The following COL5A3 variants were observed in gnomAD, a reference collection of about 807,000 sequenced individuals.
COL5A3 encodes the protein collagen alpha-3(V) chain.
In COL5A3, 172 loss-of-function variants were observed where a neutral mutation model predicts 250.0. That is an observed-to-expected ratio of 0.69 (90% confidence interval 0.61 to 0.78). COL5A3 has a LOEUF of 0.78. Among genes scored for constraint, COL5A3 ranks in the 30% least tolerant of loss-of-function variants. COL5A3 has a pLI of 0.00. For missense variants in COL5A3, 2,340 were observed against 2,334.4 expected, an observed-to-expected ratio of 1.00 and a Z score of -0.05; for synonymous variants, 937 against 900.4, an observed-to-expected ratio of 1.04 and a Z score of -0.73.
Position 9,977,273 on chromosome 19 carries a change from C to G in COL5A3, c.3244G>C (p.Gly1082Arg), listed in dbSNP as rs1568413339. 2 of 1,614,130 alleles carry G rather than the reference C, an allele frequency of 1.2e-6. No individual in the cohort carries two copies. Among genetic ancestry groups the G allele is most frequent in the Non-Finnish European group, 1.7e-6 (2 of 1,180,000 alleles). ...TTACTCCCCTTGTGTCCGGGGGCAC[C>G]CACATCCCCCTGCAGAGGAAATGGG... ...SGEEGDKGDVGAPGHKGSKGD... is the reference protein window; with the variant it reads ...SGEEGDKGDVRAPGHKGSKGD... The change falls in exon 44 of 67, where the codon GGT becomes CGT. Residue 1082 changes from glycine to arginine, a missense_variant. Physicochemically the swap from Gly to Arg is moderately radical, Grantham distance 125. Around this residue, in one of 3 missense-constraint regions of COL5A3, gnomAD observed 1,179 missense variants for 1,162.6 expected, o/e 1.01. Coordinates refer to ENST00000264828, the MANE Select transcript of COL5A3 (RefSeq NM_015719.4).
At chr19:9,969,078 T>C (rs2086793245) in intron 57 of COL5A3, among the ~76,000 whole-genome samples, 1 of 152,018 alleles carries the variant, frequency 6.6e-6, no homozygotes, top group African/African-American at 2.4e-5. Flanking sequence ...ATGGGCAGTG[T>C]AGACCATCAA....
chr19:9,981,811 C>T (rs189646991), intron 32 of COL5A3, among the ~76,000 whole-genome samples: 11 of 152,298 alleles, frequency 7.2e-5, no homozygotes, highest in Non-Finnish European at 1.5e-4. Flanking sequence ...CTGCAGGCTG[C>T]GGCATTCAAA....
chr19:10,005,628 C>T lies in COL5A3; in HGVS notation c.524G>A (p.Gly175Asp). The T allele has an allele frequency of 6.2e-7, 1 of 1,614,162 alleles. No homozygotes were observed. Among genetic ancestry groups the T allele is most frequent in the Non-Finnish European group, 8.5e-7 (1 of 1,180,012 alleles). ...CEAQPPVLGH[G>D]PRFISIAGLT... ...TCCAGCTATGCTGATGAAGCGGGGG[C>T]CATGGCCCAAAACAGGGGGCTGAGC... Residue 175 changes from glycine to aspartate, a missense_variant, in exon 4 of 67, where the codon GGC becomes GAC. By Grantham distance (94) the Gly-to-Asp change is moderately conservative. Around this residue, in one of 3 missense-constraint regions of COL5A3, gnomAD observed 1,152 missense variants for 1,146.3 expected, o/e 1.00. Coordinates refer to ENST00000264828, the MANE Select transcript of COL5A3 (RefSeq NM_015719.4).
chr19:9,995,693 T>A (rs1275128318), intron 15 of COL5A3, 76 bp from the exon 16 acceptor site: 8 of 1,161,072 alleles, frequency 6.9e-6, no homozygotes, highest in Non-Finnish European at 8.6e-6. Flanking sequence ...TTAAAAAAAA[T>A]TAGAGATGGG....
At position 9,971,000 on chromosome 19, in the gene COL5A3, C is replaced by A. The variant is rs1490961023; in HGVS notation, c.3857G>T (p.Gly1286Val). ...CGGTCCCCCAACATCACCAGGGTCT[C>A]CCTTCTCCCCTGGGGAACCATCTAT... is the stretch of plus-strand genomic sequence containing the variant. ...SGIDGSPGEK[G>V]DPGDVGGPGP... is the part of the protein sequence containing the mutation. Residue 1286 changes from glycine to valine, a missense_variant, in exon 53 of 67, where the codon GGA becomes GTA. This residue lies in a region of COL5A3 where 1,179 missense variants were observed against 1,162.6 expected (regional missense o/e 1.01). Coordinates refer to ENST00000264828, the MANE Select transcript of COL5A3 (RefSeq NM_015719.4). The A allele has an allele frequency of 1.3e-6, 2 of 1,560,378 alleles. No individual in the cohort carries two copies. The highest frequency in any genetic ancestry group is 4.7e-5 in the East Asian group (2 of 42,198).
intron 43 of COL5A3, 36 bp from the exon 44 acceptor site, chr19:9,977,318 T>C (rs1599542947): frequency 5.0e-6 from 8 of 1,613,576 alleles, no homozygotes; most frequent in South Asian, 1.1e-5. Context: ...CCAGCTTCCA[T>C]TCACCCCCAT....
At chr19:9,977,947 C>CATACATACATATATATATAT (rs1555736344) in intron 41 of COL5A3, among the ~76,000 whole-genome samples, 1 of 106,140 alleles carries the variant, frequency 9.4e-6, no homozygotes. Flanking sequence ...GCAGCCTATA[C>CATACATACATATATATATAT]ATATATATAT....
chr19:9,995,717 G>C, intron 15 of COL5A3, 100 bp from the exon 16 acceptor site: 2 of 892,158 alleles, frequency 2.2e-6, no homozygotes, highest in Non-Finnish European at 3.4e-6. Flanking sequence ...TTGCTGTATT[G>C]CCCAGGCCAG....
intron 18 of COL5A3, 86 bp downstream of exon 18, chr19:9,993,533 A>G (rs984505134): frequency 2.4e-5 from 38 of 1,579,292 alleles, no homozygotes; most frequent in Non-Finnish European, 3.1e-5. Flanking sequence ...CACAGGGATC[A>G]TGACTCTGAT....
At chr19:9,986,025 G>T (rs1383372253) in intron 30 of COL5A3, 130 bp from the exon 31 acceptor site, 2 of 796,474 alleles carry the variant, frequency 2.5e-6, no homozygotes, top group Non-Finnish European at 4.3e-6. Context: ...TCAAGTCCTT[G>T]CTCCTGCCTG....
Position 10,004,151 on chromosome 19 carries a change from G to T in COL5A3, c.595-6C>A. 1 of 1,610,186 alleles carries T rather than the reference G, an allele frequency of 6.2e-7. No homozygotes were observed. The highest frequency in any genetic ancestry group is 8.5e-7 in the Non-Finnish European group (1 of 1,176,564). ...AGCAGCTCCTGAATGTCTCCCTGGGGGTTGGGGGTGTAGGAGTCAAGGAGG... is the reference window on the plus strand; with the variant it reads ...AGCAGCTCCTGAATGTCTCCCTGGGTGTTGGGGGTGTAGGAGTCAAGGAGG... On this transcript the variant is annotated splice_polypyrimidine_tract_variant and splice_region_variant and intron_variant, in intron 4 of 66. Transcript: ENST00000264828.
rs531870097 is a variant in COL5A3 at position 9,962,235 on chromosome 19, T to C, written c.4851+584A>G. On this transcript the variant is annotated intron_variant, in intron 65 of 66. Transcript: ENST00000264828. ...GATTTTCCTGCCTCAGCCTCCTGAGTAGCTGGGATTACAGGCACACATCAC... is the reference window on the plus strand; with the variant it reads ...GATTTTCCTGCCTCAGCCTCCTGAGCAGCTGGGATTACAGGCACACATCAC... Among the ~76,000 whole-genome samples the C allele has an allele frequency of 6.5e-4, 99 of 152,146 alleles. 1 individual carries two copies. Among genetic ancestry groups the C allele is most frequent in the Admixed American group, 5.7e-3 (87 of 15,244 alleles).
At chr19:9,995,658 A>G (rs2087258389) in intron 15 of COL5A3, 41 bp from the exon 16 acceptor site, 1 of 1,455,712 alleles carries the variant, frequency 6.9e-7, no homozygotes, top group Admixed American at 2.0e-5. Flanking sequence ...GAAAATAAGA[A>G]GAAAGAGGGA....
In COL5A3 at chr19:9,966,518, G is replaced by T; in HGVS notation, c.4669+18C>A. On this transcript the variant is annotated intron_variant, in intron 63 of 66. Transcript: ENST00000264828. The stretch of plus-strand genomic sequence containing the variant: ...CCCCCACTCCGCCCATCCAAGTGGC[G>T]GGGGGACCGGACCTCACCATCAGGC... 6.5e-7 allele frequency: 1 copy of T among 1,536,816 alleles called. No individual in the cohort carries two copies. Among genetic ancestry groups the T allele is most frequent in the Non-Finnish European group, 8.8e-7 (1 of 1,139,968 alleles).
At position 10,004,432 on chromosome 19, in the gene COL5A3, G is replaced by A. The variant is rs552787882; in HGVS notation, c.595-287C>T. Reference sequence around the variant, plus strand: ...CTAGAGGTGCATCAGTTCCTTCACCGGTTCAAGTGATTCTCAGCCTCCCAA... The same window carrying A: ...CTAGAGGTGCATCAGTTCCTTCACCAGTTCAAGTGATTCTCAGCCTCCCAA... On this transcript the variant is annotated intron_variant, in intron 4 of 66. Transcript: ENST00000264828. Among the ~76,000 whole-genome samples the A allele has an allele frequency of 3.3e-4, 51 of 152,312 alleles. 2 individuals are homozygous for A. In the South Asian group the frequency reaches 9.5e-3, roughly 28 times the overall value.
At chr19:9,984,817 G>A (rs558410265) in intron 31 of COL5A3, among the ~76,000 whole-genome samples, 1 of 152,028 alleles carries the variant, frequency 6.6e-6, no homozygotes, top group Admixed American at 6.6e-5. Flanking sequence ...TTGAGACAGA[G>A]TCCCCCTCTG....
intron 36 of COL5A3, 38 bp from the exon 37 acceptor site, chr19:9,979,930 C>A: frequency 6.4e-7 from 1 of 1,574,442 alleles, no homozygotes; most frequent in Non-Finnish European, 8.6e-7. Flanking sequence ...GGCACAGATA[C>A]AGGGCTTCCT....
chr19:9,969,965 A>C, intron 54 of COL5A3, 43 bp from the exon 55 acceptor site: 1 of 1,529,528 alleles, frequency 6.5e-7, no homozygotes, highest in Non-Finnish European at 8.9e-7. Context: ...GGGCTGACTG[A>C]GGGTCAGAGG....
rs1344088216 is a variant in COL5A3, at chr19:9,978,995, A to C, written c.2875-15T>G. On this transcript the variant is annotated splice_polypyrimidine_tract_variant and intron_variant, in intron 39 of 66. Coordinates refer to ENST00000264828, the MANE Select transcript of COL5A3 (RefSeq NM_015719.4). ...CCCAGTTCCCCCTACAGGAGTGCAAAGGAGGGAAGTCAAGCTCCAGGGAGG... is the reference window on the plus strand; with the variant it reads ...CCCAGTTCCCCCTACAGGAGTGCAACGGAGGGAAGTCAAGCTCCAGGGAGG... The C allele has an allele frequency of 2.6e-6, 4 of 1,542,178 alleles. No individual in the cohort carries two copies. In the East Asian group the frequency reaches 9.2e-5, roughly 36 times the overall value.
Sources: gnomAD v4.1 joint callset for allele counts (sites outside exome capture counted in the v4.1 genomes callset) on GRCh38, gnomAD v4.1.1 for gene constraint, gnomAD v4.1.1 regional missense constraint, MANE v1.5 for transcripts, NCBI Gene and HGNC (gene_info 2026-07-23, HGNC 2026-07-21) for gene names.